The following STK3 variants were observed in gnomAD, a reference collection of about 807,000 sequenced individuals.
STK3 encodes serine/threonine kinase 3, also known as serine/threonine-protein kinase 3.
A neutral mutation model predicts 58.0 loss-of-function variants in STK3; 41 were observed. The observed-to-expected ratio is 0.71, with a 90% confidence interval of 0.55 to 0.92. The LOEUF is 0.92. STK3 is among the 40% of genes least tolerant of loss of function. The probability of loss-of-function intolerance (pLI) is 0.00; values close to 1 mark genes in which losing one functional copy is unlikely to be tolerated. For missense variants in STK3, 479 were observed against 602.7 expected (o/e 0.79, Z 2.15); for synonymous variants, 170 against 191.0 (o/e 0.89, Z 0.91).
intron 1 of STK3, among the ~76,000 whole-genome samples, chr8:98,788,232 G>C (rs1419713853): frequency 6.6e-6 from 1 of 152,080 alleles, no homozygotes; most frequent in East Asian, 1.9e-4. Context: ...AAGGCCAGGA[G>C]TTCGAGACCA....
intron 1 of STK3, among the ~76,000 whole-genome samples, chr8:98,775,335 G>A (rs1294799844): frequency 1.3e-5 from 2 of 152,000 alleles, no homozygotes; most frequent in African/African-American, 4.8e-5. Flanking sequence ...CACAATTTAA[G>A]GAAAAAAGAT....
At chr8:98,928,765 C>T (rs1839901186) in intron 1 of STK3, among the ~76,000 whole-genome samples, 1 of 152,182 alleles carries the variant, frequency 6.6e-6, no homozygotes, top group African/African-American at 2.4e-5. Flanking sequence ...GTTGCTGATT[C>T]TCCCCAAAGG....
chr8:98,928,205 T>C (rs373065938), intron 1 of STK3, among the ~76,000 whole-genome samples: 3 of 152,228 alleles, frequency 2.0e-5, no homozygotes, highest in Non-Finnish European at 2.9e-5. Context: ...CCTGCTTCAG[T>C]TGACGGTCTA....
At chr8:98,939,831 G>A (rs1840338474) in intron 1 of STK3, among the ~76,000 whole-genome samples, 1 of 152,214 alleles carries the variant, frequency 6.6e-6, no homozygotes, top group Non-Finnish European at 1.5e-5. Flanking sequence ...GGCCAGTCCC[G>A]CCCTGGGCGG....
intron 3 of STK3, among the ~76,000 whole-genome samples, chr8:98,757,220 G>A (rs1208040873): frequency 3.3e-5 from 5 of 150,428 alleles, no homozygotes; most frequent in Admixed American, 2.0e-4. Context: ...TCGCTCTGTC[G>A]CCCAGGCTAG....
chr8:98,767,477 T>C, intron 2 of STK3, 106 bp from the exon 3 acceptor site: 2 of 1,020,238 alleles, frequency 2.0e-6, no homozygotes, highest in Non-Finnish European at 2.7e-6. Flanking sequence ...TTTAAAACAC[T>C]ATTTAAATGA....
intron 1 of STK3, among the ~76,000 whole-genome samples, chr8:98,926,798 C>G (rs1200846474): frequency 6.6e-6 from 1 of 152,170 alleles, no homozygotes; most frequent in East Asian, 1.9e-4. Flanking sequence ...GAAACTGACT[C>G]CAGGATAGCT....
At chr8:98,511,610 G>T (rs562063335) in intron 10 of STK3, among the ~76,000 whole-genome samples, 1 of 152,038 alleles carries the variant, frequency 6.6e-6, no homozygotes, top group Non-Finnish European at 1.5e-5. Context: ...AATTTACCAT[G>T]AATTAAAATA....
Position 98,383,988 on chromosome 8 carries a change from A to C in STK3, n.56+4204T>G, listed in dbSNP as rs138834021. Among the ~76,000 whole-genome samples, 549 of 152,352 alleles carry C rather than the reference A, an allele frequency of 3.6e-3. 5 individuals are homozygous for C. Among genetic ancestry groups the C allele is most frequent in the African/African-American group, 0.013 (524 of 41,578 alleles). ...CATATCCAGGTGAGACCACATCGTT[A>C]GAAGAAAGACACATTCACATGTGGC... On this transcript the variant is annotated intron_variant and non_coding_transcript_variant, in intron 1 of 2. Transcript: ENST00000518704.
chr8:98,530,567 G>A lies in STK3; in HGVS notation c.1142-3650C>T, dbSNP rs142206852. 4.6e-3 allele frequency among the ~76,000 whole-genome samples: 689 copies of A among 149,014 alleles called. 9 individuals are homozygous for A. The highest frequency in any genetic ancestry group is 0.03 in the Admixed American group (456 of 15,076). On this transcript the variant is annotated intron_variant, in intron 9 of 10. Coordinates refer to ENST00000419617, the MANE Select transcript of STK3 (RefSeq NM_006281.4). The stretch of plus-strand genomic sequence containing the variant: ...CAGTGGGAGAACCCTGGAGAATAAC[G>A]AGAGAGTGCAGAGGCACCTGTGCTG...
chr8:98,537,563 A>C (rs1442759343), intron 9 of STK3, among the ~76,000 whole-genome samples: 1 of 152,246 alleles, frequency 6.6e-6, no homozygotes, highest in Non-Finnish European at 1.5e-5. Flanking sequence ...CCACTGTCAT[A>C]TGTGATGTGG....
At chr8:98,658,789 CTAA>C (rs1587199900) in intron 6 of STK3, among the ~76,000 whole-genome samples, 1 of 152,072 alleles carries the variant, frequency 6.6e-6, no homozygotes, top group South Asian at 2.1e-4. Context: ...TTAAGAATTA[CTAA>C]TGAGACAAAT....
At chr8:98,572,359 T>G (rs1174636399) in intron 8 of STK3, among the ~76,000 whole-genome samples, 3 of 152,176 alleles carry the variant, frequency 2.0e-5, no homozygotes, top group Non-Finnish European at 1.5e-5. Context: ...CAAAAATGAA[T>G]GTAAATTTTA....
upstream of STK3, among the ~76,000 whole-genome samples, chr8:98,826,288 T>C (rs1298364430): frequency 6.6e-6 from 1 of 152,240 alleles, no homozygotes; most frequent in Non-Finnish European, 1.5e-5. Flanking sequence ...TGTTTATAAT[T>C]ATCGGTTATG....
rs149024942 is a variant in STK3, at chr8:98,800,370, C to A, written c.26+25145G>T. On this transcript the variant is annotated intron_variant, in intron 1 of 10. Transcript: ENST00000419617. This position sits in a 1 kb window ranked among gnomAD's most constrained non-coding sequence, Gnocchi z 4.8. ...AGGAAGTAGTTAGAGCGGTCATCGG[C>A]CAAATTCCCAACAGCAGTTGGGGTG... Among the ~76,000 whole-genome samples the A allele has an allele frequency of 1.3e-5, 2 of 152,202 alleles. No homozygotes were observed. Among genetic ancestry groups the A allele is most frequent in the African/African-American group, 4.8e-5 (2 of 41,456 alleles).
intron 1 of STK3, among the ~76,000 whole-genome samples, chr8:98,899,071 A>G (rs778340347): frequency 1.6e-4 from 25 of 152,338 alleles, no homozygotes; most frequent in Non-Finnish European, 2.9e-4. Flanking sequence ...CAATGGATAC[A>G]CTTTTATAAA....
In STK3 at chr8:98,598,044, T is replaced by G. The variant is rs1815983409; in HGVS notation, c.685-1875A>C. The G allele has an allele frequency of 9.1e-6, 9 of 985,254 alleles. No individual in the cohort carries two copies. The South Asian group carries it at 4.2e-4, about 46-fold the overall frequency. 61.0% of individuals were successfully genotyped at this position (985,254 alleles called of 1,614,324 possible). ...CTAGAGAATAAAAATAAATTTGAACTCTCATCTCTGTGAAACAGTTCAAAG... is the reference window on the plus strand; with the variant it reads ...CTAGAGAATAAAAATAAATTTGAACGCTCATCTCTGTGAAACAGTTCAAAG... On this transcript the variant is annotated intron_variant, in intron 6 of 10. Coordinates refer to ENST00000419617, the MANE Select transcript of STK3 (RefSeq NM_006281.4).
intron 10 of STK3, among the ~76,000 whole-genome samples, chr8:98,469,108 TA>T (rs71273132): frequency 4.4e-4 from 64 of 145,814 alleles, no homozygotes; most frequent in African/African-American, 9.1e-4. Context: ...ACTCCATCTT[TA>T]AAAAAAAAAA....
In STK3 at chr8:98,408,970, GCTGTCTTCTA is replaced by G. The variant is rs140422160; in HGVS notation, n.484-7467_484-7458del. Among the ~76,000 whole-genome samples the G allele has an allele frequency of 6.2e-3, 946 of 152,256 alleles. 10 individuals carry two copies. The highest frequency in any genetic ancestry group is 0.022 in the African/African-American group (906 of 41,534). Reference sequence around the variant, plus strand: ...GAAAGAAAACGTCCCCTGTTGCTATGCTGTCTTCTACTGTATCTGTGATTCTGCTCGCCTT... The same window carrying G: ...GAAAGAAAACGTCCCCTGTTGCTATGCTGTATCTGTGATTCTGCTCGCCTT... On this transcript the variant is annotated intron_variant and non_coding_transcript_variant, in intron 3 of 3. Coordinates refer to the STK3 transcript ENST00000517832.
Sources: allele counts gnomAD v4.1 joint callset (sites outside exome capture counted in the v4.1 genomes callset), GRCh38; gene constraint gnomAD v4.1.1; non-coding constraint Gnocchi (gnomAD v3.1); transcripts MANE v1.5; gene names NCBI Gene and HGNC (gene_info 2026-07-23, HGNC 2026-07-21).